SLC16A1: variants seen among roughly 807,000 people sequenced by gnomAD.
SLC16A1 encodes monocarboxylate transporter 1.
Under a neutral mutation model 32.2 loss-of-function variants are expected in SLC16A1, and 11 were observed. That is an observed-to-expected ratio of 0.34 (90% CI 0.21 to 0.56). The LOEUF is 0.56. Among genes scored for constraint, SLC16A1 ranks in the 20% least tolerant of loss-of-function variants. The pLI is 0.87. For missense variants in SLC16A1, 435 were observed against 615.0 expected, an observed-to-expected ratio of 0.71 and a Z score of 3.10; for synonymous variants, 231 against 226.8, an observed-to-expected ratio of 1.02 and a Z score of -0.17.
chr1:112,942,968 A>G (rs1649561349), intron 1 of SLC16A1, among the ~76,000 whole-genome samples: 1 of 151,312 alleles, frequency 6.6e-6, no homozygotes, highest in Non-Finnish European at 1.5e-5. Flanking sequence ...GTGTGTATAT[A>G]TTTACTTATT....
chr1:112,934,059 G>A (rs894488073), intron 1 of SLC16A1, among the ~76,000 whole-genome samples: 8 of 152,096 alleles, frequency 5.3e-5, no homozygotes, highest in East Asian at 3.9e-4. Flanking sequence ...TTTTAAAAGC[G>A]TTCTGTTAAG....
chr1:112,921,136 G>A (rs189815777), intron 3 of SLC16A1, among the ~76,000 whole-genome samples: 4,103 of 134,858 alleles, frequency 0.03, 195 homozygotes, highest in African/African-American at 0.11. Flanking sequence ...GCGAGACTCC[G>A]TCTCAAAAAA....
chr1:112,929,156 G>C lies in SLC16A1; in HGVS notation c.153C>G (p.Phe51Leu). The change falls in exon 2 of 5, where the codon TTC becomes TTG. Residue 51 changes from phenylalanine to leucine, a missense_variant. Around this residue, in one of 2 missense-constraint regions of SLC16A1, gnomAD observed 324 missense variants for 500.3 expected, o/e 0.65. Coordinates refer to ENST00000369626, the MANE Select transcript of SLC16A1 (RefSeq NM_003051.4). Reference sequence around the variant, plus strand: ...ATGACACTTCGCTGGTGGTGGCATGGAATATACCTTCAATCTCTTTGAAGA... The same window carrying C: ...ATGACACTTCGCTGGTGGTGGCATGCAATATACCTTCAATCTCTTTGAAGA... The part of the protein sequence containing the change: ...TVFFKEIEGI[F>L]HATTSEVSWI... The C allele has an allele frequency of 6.2e-7, 1 of 1,614,060 alleles. No homozygotes were observed. The highest frequency in any genetic ancestry group is 2.2e-5 in the East Asian group (1 of 44,870).
intron 1 of SLC16A1, among the ~76,000 whole-genome samples, chr1:112,951,931 C>T (rs1471735837): frequency 6.6e-6 from 1 of 152,108 alleles, no homozygotes; most frequent in Non-Finnish European, 1.5e-5. Context: ...GAATTAAAGG[C>T]ATAATTATTT....
At chr1:112,928,212 G>A (rs938478598) in intron 2 of SLC16A1, among the ~76,000 whole-genome samples, 1 of 152,150 alleles carries the variant, frequency 6.6e-6, no homozygotes, top group Non-Finnish European at 1.5e-5. Context: ...CCAGTTACCT[G>A]TTTCTTCTGG....
chr1:112,936,023 A>AAAGATTAAGGTGATGTAACTT (rs1405078400), intron 1 of SLC16A1: 1 of 152,208 alleles, frequency 6.6e-6, no homozygotes, highest in East Asian at 1.9e-4. Flanking sequence ...GTTTGGCACT[A>AAAGATTAAGGTGATGTAACTT]AAGATTAAGG....
rs1371836817 is a variant in SLC16A1, at chr1:112,925,089, A to G, written c.218-2956T>C. 2.6e-5 allele frequency among the ~76,000 whole-genome samples: 4 copies of G among 152,258 alleles called. No homozygotes were observed. In the South Asian group the frequency reaches 6.2e-4, roughly 24 times the overall value. The stretch of plus-strand genomic sequence containing the variant: ...AAACCAGACATTTCCTCAGCTAACT[A>G]TATGCATATAAAAATCAGCATTTCT... On this transcript the variant is annotated intron_variant, in intron 2 of 4. Coordinates refer to ENST00000369626, the MANE Select transcript of SLC16A1 (RefSeq NM_003051.4).
chr1:112,945,365 AT>A (rs11330109), intron 1 of SLC16A1, among the ~76,000 whole-genome samples: 6,637 of 152,046 alleles, frequency 0.044, 457 homozygotes, highest in African/African-American at 0.15. Context: ...CTATGGATGT[AT>A]TATACTTTAA....
intron 2 of SLC16A1, among the ~76,000 whole-genome samples, chr1:112,926,545 TG>T (rs1462911467): frequency 6.6e-6 from 1 of 152,116 alleles, no homozygotes; most frequent in Non-Finnish European, 1.5e-5. Context: ...ATCATGCCAC[TG>T]TAGTCATAAG....
intron 3 of SLC16A1, 21 bp from the exon 4 acceptor site, chr1:112,918,065 TAAATAAA>T: frequency 1.2e-6 from 1 of 857,068 alleles, no homozygotes; most frequent in Non-Finnish European, 1.5e-6. Flanking sequence ...AATAAATAAA[TAAATAAA>T]TAAATAAATA....
intron 2 of SLC16A1, among the ~76,000 whole-genome samples, chr1:112,928,459 T>G (rs961567451): frequency 1.1e-4 from 16 of 152,206 alleles, no homozygotes; most frequent in Admixed American, 4.6e-4. Context: ...AAACCAAGAA[T>G]CATTACATTG....
chr1:112,927,380 A>G (rs977738233), intron 2 of SLC16A1, among the ~76,000 whole-genome samples: 15 of 152,186 alleles, frequency 9.9e-5, no homozygotes, highest in Non-Finnish European at 1.9e-4. Context: ...CCATCACTGT[A>G]TATCTCTGAC....
chr1:112,930,229 C>T (rs1004417718), intron 1 of SLC16A1, among the ~76,000 whole-genome samples: 1 of 152,052 alleles, frequency 6.6e-6, no homozygotes, highest in Admixed American at 6.6e-5. Flanking sequence ...GCAACTGAGG[C>T]CTTAACCTGC....
chr1:112,913,829 G>A lies in SLC16A1; in HGVS notation c.*62C>T. On this transcript the variant is annotated 3_prime_UTR_variant, in exon 5 of 5. Coordinates refer to ENST00000369626, the MANE Select transcript of SLC16A1 (RefSeq NM_003051.4). ...AGCACCACTGGTAGATTACAGGCCA[G>A]TAGAATATTTTCAGATATCCTGGGT... 1 of 1,587,088 alleles carries A rather than the reference G, an allele frequency of 6.3e-7. No individual in the cohort carries two copies. Among genetic ancestry groups the A allele is most frequent in the Non-Finnish European group, 8.7e-7 (1 of 1,156,032 alleles).
chr1:112,951,341 G>A (rs1443515060), intron 1 of SLC16A1, among the ~76,000 whole-genome samples: 1 of 149,984 alleles, frequency 6.7e-6, no homozygotes, highest in Non-Finnish European at 1.5e-5. Context: ...AAGATTCAGA[G>A]GTTTTAAGCC....
intron 2 of SLC16A1, 87 bp downstream of exon 2, chr1:112,929,005 G>T (rs988705915): frequency 1.5e-5 from 13 of 892,620 alleles, no homozygotes; most frequent in Non-Finnish European, 2.1e-5. Context: ...CACTGAATAA[G>T]ACTTTTTTTT....
In SLC16A1 at chr1:112,912,840, C is replaced by T. The variant is rs886045064; in HGVS notation, c.*1051G>A. ...AAAACAAAAAAACAAAAACACCAAA[C>T]ACACACATATCTCACACATAGCACT... On this transcript the variant is annotated 3_prime_UTR_variant, in exon 5 of 5. Coordinates refer to ENST00000369626, the MANE Select transcript of SLC16A1 (RefSeq NM_003051.4). 1 of 148,682 alleles carries T rather than the reference C, an allele frequency of 6.7e-6. No individual in the cohort carries two copies. Among genetic ancestry groups the T allele is most frequent in the Non-Finnish European group, 1.5e-5 (1 of 67,242 alleles). The allele number at this position is 148,682 out of a possible 1,614,324, so 9.2% of individuals were successfully genotyped here. A position where few individuals can be genotyped will look rare whatever the true frequency, so the allele number is the denominator to read the frequency against.
At chr1:112,933,156 A>T (rs1258317751) in intron 1 of SLC16A1, among the ~76,000 whole-genome samples, 1 of 152,186 alleles carries the variant, frequency 6.6e-6, no homozygotes, top group Non-Finnish European at 1.5e-5. Context: ...AGATTTCTGA[A>T]GGAACATAAA....
chr1:112,929,022 A>G (rs1049838496), intron 2 of SLC16A1, 70 bp downstream of exon 2: 2 of 953,212 alleles, frequency 2.1e-6, no homozygotes, highest in African/African-American at 3.7e-5. Flanking sequence ...TTTTTTTTTT[A>G]AAGTTACCTA....
Sources: allele counts gnomAD v4.1 joint callset (sites outside exome capture counted in the v4.1 genomes callset), GRCh38; gene constraint gnomAD v4.1.1; regional missense constraint gnomAD v4.1.1; transcripts MANE v1.5; gene names NCBI Gene and HGNC (gene_info 2026-07-23, HGNC 2026-07-21).